PDE11A: variants seen among roughly 807,000 people sequenced by gnomAD.
The protein encoded by PDE11A is dual 3',5'-cyclic-AMP and -GMP phosphodiesterase 11A.
Under a neutral mutation model 100.5 loss-of-function variants are expected in PDE11A, and 100 were observed. The observed-to-expected ratio is 1.00, with a 90% CI of 0.85 to 1.18. The LOEUF (loss-of-function observed/expected upper bound fraction) is 1.18. Among genes scored for constraint, PDE11A ranks in the 50% most tolerant of loss-of-function variants. PDE11A has a pLI of 0.00. For missense variants in PDE11A, 1,141 were observed against 1,152.6 expected (o/e 0.99, Z 0.15); for synonymous variants, 381 against 420.8 (o/e 0.91, Z 1.16).
At chr2:177,813,361 G>GGA (rs2082980706) in intron 9 of PDE11A, among the ~76,000 whole-genome samples, 1 of 152,138 alleles carries the variant, frequency 6.6e-6, no homozygotes, top group South Asian at 2.1e-4. Flanking sequence ...CAAGAACTGA[G>GGA]GATTCCTGTA....
chr2:177,919,753 A>C (rs937310953), intron 2 of PDE11A, among the ~76,000 whole-genome samples: 6 of 152,150 alleles, frequency 3.9e-5, no homozygotes, highest in South Asian at 2.1e-4. Context: ...ATTTTATTCT[A>C]GTGAAACTTA....
At chr2:177,871,326 T>A (rs2084127120) in intron 5 of PDE11A, among the ~76,000 whole-genome samples, 1 of 152,014 alleles carries the variant, frequency 6.6e-6, no homozygotes, top group African/African-American at 2.4e-5. Context: ...TGACCCAGCC[T>A]GTCCCAGGTT....
At chr2:177,948,554 A>C (rs368079741) in intron 2 of PDE11A, among the ~76,000 whole-genome samples, 2 of 152,200 alleles carry the variant, frequency 1.3e-5, no homozygotes, top group South Asian at 2.1e-4. Flanking sequence ...ATGTTAATCA[A>C]CTAAATTTCT....
chr2:177,998,756 C>T, intron 2 of PDE11A: 1 of 817,360 alleles, frequency 1.2e-6, no homozygotes, highest in Non-Finnish European at 2.1e-6. Flanking sequence ...CGTAAAGCTC[C>T]TCTACCATCG....
In PDE11A at chr2:178,004,615, C is replaced by T. The variant is rs143585721; in HGVS notation, c.1071+9687G>A. Among the ~76,000 whole-genome samples the T allele has an allele frequency of 9.8e-3, 1,499 of 152,262 alleles. 9 individuals carry two copies. The highest frequency in any genetic ancestry group is 0.024 in the Middle Eastern group (7 of 294). Reference sequence around the variant, plus strand: ...GCAAATTGTTCTCTCCTGTCCAAGTCCTGAATAAATCAGAGAAGAGTTTAT... The same window carrying T: ...GCAAATTGTTCTCTCCTGTCCAAGTTCTGAATAAATCAGAGAAGAGTTTAT... On this transcript the variant is annotated intron_variant, in intron 2 of 19. Transcript: ENST00000286063.
intron 2 of PDE11A, among the ~76,000 whole-genome samples, chr2:177,967,294 TC>T (rs1206639324): frequency 3.3e-5 from 5 of 151,026 alleles, no homozygotes; most frequent in Non-Finnish European, 2.9e-5. Flanking sequence ...CCTCCTGGGT[TC>T]AAGTGATTCT....
intron 10 of PDE11A, among the ~76,000 whole-genome samples, chr2:177,754,560 T>G (rs1048231390): frequency 6.6e-6 from 1 of 152,264 alleles, no homozygotes; most frequent in Non-Finnish European, 1.5e-5. Flanking sequence ...TTTCTTTGCT[T>G]CCTTGTCTCC....
Position 177,716,412 on chromosome 2 carries a change from C to T in PDE11A, c.2044-4534G>A, listed in dbSNP as rs530505116. On this transcript the variant is annotated intron_variant, in intron 12 of 19. Transcript: ENST00000286063. The stretch of plus-strand genomic sequence containing the variant: ...TCCTCCACACCCTCACCTCTGAAGA[C>T]ACTTGGGTTTCTCTTCTCTGCTAAG... 3.2e-4 allele frequency among the ~76,000 whole-genome samples: 48 copies of T among 152,274 alleles called. 1 individual carries two copies. In the South Asian group the frequency reaches 9.6e-3, roughly 30 times the overall value.
chr2:177,918,395 G>A (rs1306468985), intron 2 of PDE11A, among the ~76,000 whole-genome samples: 2 of 152,104 alleles, frequency 1.3e-5, no homozygotes, highest in South Asian at 2.1e-4. Context: ...TATTTATTTT[G>A]AGGGCTCAAT....
chr2:178,008,909 G>A (rs2086243694), intron 2 of PDE11A, among the ~76,000 whole-genome samples: 1 of 152,184 alleles, frequency 6.6e-6, no homozygotes, highest in Admixed American at 6.6e-5. Flanking sequence ...GAAGAGAGGT[G>A]ACCAGGGCTA....
intron 2 of PDE11A, among the ~76,000 whole-genome samples, chr2:177,947,603 T>G (rs1283092909): frequency 1.3e-5 from 2 of 151,618 alleles, no homozygotes; most frequent in Non-Finnish European, 2.9e-5. Flanking sequence ...ATCCCTGATC[T>G]CAAGTAATCA....
chr2:177,893,407 G>A (rs541532295), intron 4 of PDE11A, among the ~76,000 whole-genome samples: 2 of 152,126 alleles, frequency 1.3e-5, no homozygotes, highest in South Asian at 2.1e-4. Context: ...TGAGTAGCTG[G>A]GACTGTAGGT....
intron 4 of PDE11A, among the ~76,000 whole-genome samples, chr2:177,880,174 A>C (rs2084306884): frequency 6.6e-6 from 1 of 152,216 alleles, no homozygotes; most frequent in South Asian, 2.1e-4. Flanking sequence ...TTGGCTCCTG[A>C]GAGATAATCT....
At chr2:177,638,203 G>T (rs2080080767) in intron 19 of PDE11A, among the ~76,000 whole-genome samples, 1 of 151,714 alleles carries the variant, frequency 6.6e-6, no homozygotes, top group African/African-American at 2.4e-5. Flanking sequence ...GTTTCACCGT[G>T]TTAGCCAGGA....
chr2:177,772,199 G>C (rs1004047846), intron 9 of PDE11A, among the ~76,000 whole-genome samples: 1 of 151,844 alleles, frequency 6.6e-6, no homozygotes, highest in Admixed American at 6.6e-5. Flanking sequence ...GAAAAATGTT[G>C]TATTGAGAGA....
intron 2 of PDE11A, among the ~76,000 whole-genome samples, chr2:178,085,216 T>C (rs763267070): frequency 3.9e-5 from 6 of 152,178 alleles, no homozygotes; most frequent in Non-Finnish European, 7.3e-5. Flanking sequence ...CCAAAATATA[T>C]GGCCCTATAT....
intron 19 of PDE11A, among the ~76,000 whole-genome samples, chr2:177,636,278 A>G (rs1283477916): frequency 2.0e-5 from 3 of 152,168 alleles, no homozygotes; most frequent in African/African-American, 7.2e-5. Flanking sequence ...TGTATACTCC[A>G]GATGCTAATT....
At chr2:177,929,233 G>A (rs1171395323) in intron 2 of PDE11A, among the ~76,000 whole-genome samples, 2 of 152,158 alleles carry the variant, frequency 1.3e-5, no homozygotes, top group African/African-American at 2.4e-5. Context: ...CCCACAGGGT[G>A]TAGGCTCATA....
At chr2:177,818,092 G>T (rs1046531902) in intron 7 of PDE11A, among the ~76,000 whole-genome samples, 167 bp from the exon 8 acceptor site, 1 of 151,956 alleles carries the variant, frequency 6.6e-6, no homozygotes, top group African/African-American at 2.4e-5. Flanking sequence ...TGAGGTGTAG[G>T]ACAATGCACT....
Sources: gnomAD v4.1 joint callset for allele counts (sites outside exome capture counted in the v4.1 genomes callset) on GRCh38, gnomAD v4.1.1 for gene constraint, MANE v1.5 for transcripts, NCBI Gene and HGNC (gene_info 2026-07-23, HGNC 2026-07-21) for gene names.